The following SLC24A2 variants were observed in gnomAD, a reference collection of about 807,000 sequenced individuals.
The protein encoded by SLC24A2 is sodium/potassium/calcium exchanger 2.
Under a neutral mutation model 62.0 loss-of-function variants are expected in SLC24A2, and 36 were observed. The ratio of observed to expected loss-of-function variants is 0.58; its 90% CI spans 0.44 to 0.77. SLC24A2 has a LOEUF of 0.77. Ranked by LOEUF, SLC24A2 falls within the 30% of genes least tolerant of loss-of-function variation. The pLI is 0.00. For missense variants in SLC24A2, 846 were observed against 817.9 expected (o/e 1.03, Z -0.42); for synonymous variants, 358 against 294.0 (o/e 1.22, Z -2.23).
At chr9:19,947,803 AAAAAAAAAGAAAG>A in the SLC24A2 span, among the ~76,000 whole-genome samples, 192 of 122,348 alleles carry the variant, frequency 1.6e-3, no homozygotes, top group African/African-American at 4.9e-3. Flanking sequence ...AAAAAAAAAA[AAAAAAAAAGAAAG>A]AAAGAAAGAA....
the SLC24A2 span, among the ~76,000 whole-genome samples, chr9:20,249,174 A>T: frequency 2.0e-5 from 3 of 152,238 alleles, no homozygotes; most frequent in African/African-American, 7.2e-5. Context: ...ATGATAAAGT[A>T]TATAACTAAC....
At chr9:19,734,712 G>A (rs971698101) in intron 2 of SLC24A2, among the ~76,000 whole-genome samples, 1 of 152,120 alleles carries the variant, frequency 6.6e-6, no homozygotes, top group African/African-American at 2.4e-5. Context: ...GAATGCTTGT[G>A]ATTTTTGCAC....
chr9:19,523,368 C>T (rs760307420), intron 9 of SLC24A2, among the ~76,000 whole-genome samples: 5 of 152,132 alleles, frequency 3.3e-5, no homozygotes, highest in Non-Finnish European at 7.3e-5. Context: ...ATAATATCCA[C>T]TCAGAATTGT....
chr9:20,066,532 T>C, the SLC24A2 span, among the ~76,000 whole-genome samples: 13 of 152,242 alleles, frequency 8.5e-5, no homozygotes, highest in Non-Finnish European at 1.5e-4. Context: ...TGTGTCTATA[T>C]CCATATTCCA....
At chr9:19,550,019 T>G in intron 8 of SLC24A2, 118 bp downstream of exon 8, 98 of 1,014,414 alleles carry the variant, frequency 9.7e-5, no homozygotes, top group Non-Finnish European at 1.2e-4. Context: ...GGGGTATATG[T>G]GAGATTTTGA....
intron 7 of SLC24A2, among the ~76,000 whole-genome samples, chr9:19,558,900 T>A (rs1835249255): frequency 6.6e-6 from 1 of 152,184 alleles, no homozygotes; most frequent in African/African-American, 2.4e-5. Flanking sequence ...TGTGGGAGGC[T>A]CCTAGGAGAA....
intron 2 of SLC24A2, among the ~76,000 whole-genome samples, chr9:19,780,735 C>T (rs559619028): frequency 1.3e-5 from 2 of 151,362 alleles, no homozygotes; most frequent in Admixed American, 6.6e-5. Context: ...TAGCCGGGCG[C>T]GGTGGCAGGC....
intron 2 of SLC24A2, among the ~76,000 whole-genome samples, chr9:19,639,653 T>C (rs1206074818): frequency 6.6e-6 from 1 of 152,268 alleles, no homozygotes; most frequent in Non-Finnish European, 1.5e-5. Flanking sequence ...ACTTTAGTAA[T>C]ATCTGGATAA....
intron 7 of SLC24A2, among the ~76,000 whole-genome samples, chr9:19,566,070 C>A (rs1835637268): frequency 6.6e-6 from 1 of 152,152 alleles, no homozygotes; most frequent in African/African-American, 2.4e-5. Context: ...GACTTCATGT[C>A]TAAAACACCA....
the SLC24A2 span, among the ~76,000 whole-genome samples, chr9:20,098,383 G>A: frequency 1.3e-5 from 2 of 152,148 alleles, no homozygotes; most frequent in African/African-American, 2.4e-5. Flanking sequence ...TTCAGGTGCT[G>A]GGTTTTTTGA....
the SLC24A2 span, among the ~76,000 whole-genome samples, chr9:20,241,799 C>T: frequency 1.4e-4 from 21 of 151,890 alleles, no homozygotes; most frequent in Admixed American, 1.4e-3. Flanking sequence ...GATGATCAAC[C>T]CGGAGTTAGC....
the SLC24A2 span, among the ~76,000 whole-genome samples, chr9:19,947,347 C>CGGAA: frequency 7.6e-5 from 11 of 145,002 alleles, no homozygotes; most frequent in Admixed American, 2.1e-4. Context: ...CTGTGGCTGC[C>CGGAA]GGAAGGAAGG....
At chr9:19,753,115 G>C (rs1254427803) in intron 2 of SLC24A2, among the ~76,000 whole-genome samples, 2 of 152,154 alleles carry the variant, frequency 1.3e-5, no homozygotes, top group African/African-American at 4.8e-5. Context: ...GCATACTCTA[G>C]CTGGATGGGC....
chr9:19,926,440 C>T, the SLC24A2 span: 87,784 of 152,102 alleles, frequency 0.58, 26,073 homozygotes, highest in East Asian at 0.67. Context: ...TGCTGCCAAG[C>T]GCAAGCATTC....
chr9:19,554,593 C>T (rs947793766), intron 7 of SLC24A2, among the ~76,000 whole-genome samples: 14 of 152,186 alleles, frequency 9.2e-5, no homozygotes, highest in African/African-American at 3.1e-4. Flanking sequence ...CTCTGGTTTT[C>T]AGCCTTCTCG....
At position 19,786,881 on chromosome 9, in the gene SLC24A2, T is replaced by C; in HGVS notation, c.-15A>G. On this transcript the variant is annotated 5_prime_UTR_variant, in exon 2 of 11. Coordinates refer to ENST00000341998, the MANE Select transcript of SLC24A2 (RefSeq NM_020344.4). The surrounding 1 kb of genome is among the most constrained non-coding windows in gnomAD (Gnocchi z 5.0). Reference sequence around the variant, plus strand: ...TGCAGATCCATCCTGGGTCTTCTGGTGGATATGGTGATCTTCCAACTTTAG... The same window carrying C: ...TGCAGATCCATCCTGGGTCTTCTGGCGGATATGGTGATCTTCCAACTTTAG... The C allele has an allele frequency of 6.2e-7, 1 of 1,605,112 alleles. No homozygotes were observed. The highest frequency in any genetic ancestry group is 8.5e-7 in the Non-Finnish European group (1 of 1,179,834).
At chr9:20,156,453 A>C in the SLC24A2 span, among the ~76,000 whole-genome samples, 1 of 151,650 alleles carries the variant, frequency 6.6e-6, no homozygotes, top group Non-Finnish European at 1.5e-5. Context: ...ATTTCAGTAA[A>C]GTCCTCATCT....
At chr9:20,149,911 G>C in the SLC24A2 span, among the ~76,000 whole-genome samples, 1 of 151,992 alleles carries the variant, frequency 6.6e-6, no homozygotes, top group Non-Finnish European at 1.5e-5. Context: ...CCAGTCACGG[G>C]TGATAGTCAT....
intron 2 of SLC24A2, among the ~76,000 whole-genome samples, chr9:19,681,044 T>C (rs768479133): frequency 6.6e-5 from 10 of 152,036 alleles, no homozygotes; most frequent in Non-Finnish European, 1.3e-4. Flanking sequence ...CACAAAATGT[T>C]GTCAGAATAT....
Sources: gnomAD v4.1 joint callset for allele counts (sites outside exome capture counted in the v4.1 genomes callset) on GRCh38, gnomAD v4.1.1 for gene constraint, Gnocchi (gnomAD v3.1) non-coding constraint, MANE v1.5 for transcripts, NCBI Gene and HGNC (gene_info 2026-07-23, HGNC 2026-07-21) for gene names.